CSMD1: variants seen among roughly 807,000 people sequenced by gnomAD.
The protein encoded by CSMD1 is CUB and Sushi multiple domains 1, also known as CUB and sushi domain-containing protein 1.
In CSMD1, 213 loss-of-function variants were observed where a neutral mutation model predicts 417.5. That is an observed-to-expected ratio of 0.51 (90% confidence interval 0.46 to 0.57). The LOEUF is 0.57. Among genes scored for constraint, CSMD1 ranks in the 20% least tolerant of loss-of-function variants. The pLI, the probability that CSMD1 is intolerant of heterozygous loss-of-function variation, is 0.00. For missense variants in CSMD1, 6,923 were observed against 4,529.7 expected (o/e 1.53, Z -15.17); for synonymous variants, 2,862 against 1,736.8 (o/e 1.65, Z -16.11).
At chr8:4,014,198 A>G (rs182935812) in intron 4 of CSMD1, among the ~76,000 whole-genome samples, 5 of 152,202 alleles carry the variant, frequency 3.3e-5, no homozygotes, top group Non-Finnish European at 4.4e-5. Context: ...TGCAAAGCAT[A>G]AACAACATTC....
chr8:3,110,178 G>C lies in CSMD1; in HGVS notation c.6588C>G (p.Val2196=). The C allele has an allele frequency of 6.2e-7, 1 of 1,608,612 alleles. No individual in the cohort carries two copies. Among genetic ancestry groups the C allele is most frequent in the Non-Finnish European group, 8.5e-7 (1 of 1,177,734 alleles). ...INFTLLQTEA[V]NDYIAVWDGP... is the part of the protein sequence containing the mutation. ...CATACCAAACAGCAATGTAATCGTTGACAGCTTCCGTCTGTAACAGGGTGA... is the reference window on the plus strand; with the variant it reads ...CATACCAAACAGCAATGTAATCGTTCACAGCTTCCGTCTGTAACAGGGTGA... Residue 2196 remains valine, a synonymous_variant, in exon 43 of 70, where the codon GTC becomes GTG. Transcript: ENST00000635120.
In CSMD1 at chr8:3,527,229, T is replaced by A. The variant is rs148289926; in HGVS notation, c.1345-33503A>T. Among the ~76,000 whole-genome samples, 745 of 152,270 alleles carry A rather than the reference T, an allele frequency of 4.9e-3. 5 individuals are homozygous for A. The highest frequency in any genetic ancestry group is 0.017 in the African/African-American group (711 of 41,548). The stretch of plus-strand genomic sequence containing the variant: ...ATTTTCCACTACTCAGAACCAAATG[T>A]TAATTGGCTCCTAATTGGTACAGGG... On this transcript the variant is annotated intron_variant, in intron 10 of 69. Transcript: ENST00000635120.
chr8:3,725,057 G>A (rs1563313324), intron 6 of CSMD1, among the ~76,000 whole-genome samples: 1 of 152,208 alleles, frequency 6.6e-6, no homozygotes, highest in Non-Finnish European at 1.5e-5. Context: ...GACGACTAGA[G>A]GAGTGAGGCA....
chr8:4,355,301 C>G (rs1346827144), intron 3 of CSMD1, among the ~76,000 whole-genome samples: 1 of 145,092 alleles, frequency 6.9e-6, no homozygotes, highest in African/African-American at 2.5e-5. Flanking sequence ...GAACAAACCA[C>G]TTCATACACA....
At chr8:3,739,163 A>G (rs979520767) in intron 6 of CSMD1, among the ~76,000 whole-genome samples, 2 of 152,234 alleles carry the variant, frequency 1.3e-5, no homozygotes, top group Non-Finnish European at 2.9e-5. Flanking sequence ...GTTTGCAGTT[A>G]AAGTATCTGA....
chr8:4,416,927 A>G (rs1796973918), intron 3 of CSMD1, among the ~76,000 whole-genome samples: 1 of 152,218 alleles, frequency 6.6e-6, no homozygotes, highest in Non-Finnish European at 1.5e-5. Flanking sequence ...TAGTAATCTT[A>G]TTATAAACTA....
intron 5 of CSMD1, among the ~76,000 whole-genome samples, chr8:3,963,832 A>C (rs1035121192): frequency 6.6e-6 from 1 of 152,222 alleles, no homozygotes; most frequent in African/African-American, 2.4e-5. Flanking sequence ...ATCAAATGTA[A>C]ATATAATCTT....
intron 49 of CSMD1, among the ~76,000 whole-genome samples, chr8:3,053,534 G>T (rs540863679): frequency 6.6e-6 from 1 of 152,240 alleles, no homozygotes; most frequent in South Asian, 2.1e-4. Flanking sequence ...GAGGCACTCG[G>T]GGAAGATTCC....
intron 46 of CSMD1, among the ~76,000 whole-genome samples, chr8:3,097,336 A>T (rs1013800808): frequency 3.9e-5 from 6 of 152,218 alleles, no homozygotes; most frequent in Admixed American, 3.9e-4. Flanking sequence ...ACAATGCAAG[A>T]TTTCCTAACT....
intron 1 of CSMD1, among the ~76,000 whole-genome samples, chr8:4,813,145 T>C (rs1799003374): frequency 6.6e-6 from 1 of 152,168 alleles, no homozygotes; most frequent in Non-Finnish European, 1.5e-5. Context: ...GCTAAATCCC[T>C]GACAAAAGCC....
intron 7 of CSMD1, among the ~76,000 whole-genome samples, chr8:3,639,216 T>C (rs2117303081): frequency 6.6e-6 from 1 of 152,262 alleles, no homozygotes. Context: ...GGCCTTGAGG[T>C]CTCTCTGTTG....
rs530579222 is a variant in CSMD1, at chr8:3,642,488, C to A, written c.1010-25691G>T. Among the ~76,000 whole-genome samples, 38 of 152,258 alleles carry A rather than the reference C, an allele frequency of 2.5e-4. No individual in the cohort carries two copies. The South Asian group carries it at 7.9e-3, about 32-fold the overall frequency. Reference sequence around the variant, plus strand: ...TCCCAAGTAGTGACCCAAGCAAACACAAATCCTCTCTGGAGAAAAACTGCC... The same window carrying A: ...TCCCAAGTAGTGACCCAAGCAAACAAAAATCCTCTCTGGAGAAAAACTGCC... On this transcript the variant is annotated intron_variant, in intron 7 of 69. Coordinates refer to ENST00000635120, the MANE Select transcript of CSMD1 (RefSeq NM_033225.6).
intron 2 of CSMD1, among the ~76,000 whole-genome samples, chr8:4,505,437 C>T (rs546824136): frequency 4.6e-5 from 7 of 152,012 alleles, no homozygotes; most frequent in Non-Finnish European, 2.9e-5. Flanking sequence ...CAAAATATCT[C>T]GATTTAAACA....
At chr8:3,519,584 C>T (rs1251719966) in intron 10 of CSMD1, among the ~76,000 whole-genome samples, 1 of 152,144 alleles carries the variant, frequency 6.6e-6, no homozygotes, top group Non-Finnish European at 1.5e-5. Flanking sequence ...TTGGTAGAGA[C>T]TACCTTCAAA....
intron 27 of CSMD1, among the ~76,000 whole-genome samples, chr8:3,228,544 G>T (rs1305981271): frequency 6.6e-6 from 1 of 152,074 alleles, no homozygotes; most frequent in Non-Finnish European, 1.5e-5. Flanking sequence ...TAGAGACAGG[G>T]GTATTTATTT....
At chr8:3,101,937 G>C (rs888070289) in intron 46 of CSMD1, among the ~76,000 whole-genome samples, 3 of 151,598 alleles carry the variant, frequency 2.0e-5, no homozygotes, top group African/African-American at 7.3e-5. Flanking sequence ...GAGCAGCTGG[G>C]ATTACAGATG....
At chr8:3,036,527 G>A (rs1233112826) in intron 50 of CSMD1, among the ~76,000 whole-genome samples, 1 of 152,132 alleles carries the variant, frequency 6.6e-6, no homozygotes, top group Non-Finnish European at 1.5e-5. Flanking sequence ...GATTTAATCA[G>A]CCTCATAACT....
In CSMD1 at chr8:4,900,205, CG is replaced by C. The variant is rs771214203; in HGVS notation, c.85+94126del. ...CCAAAGTGACAGGGGTATGAAGACA[CG>C]GGTTGGGTGCCTCTATCTCCAACCT... On this transcript the variant is annotated intron_variant, in intron 1 of 69. Transcript: ENST00000635120. Among the ~76,000 whole-genome samples the C allele has an allele frequency of 1.0e-3, 157 of 152,226 alleles. 1 individual carries two copies. Among genetic ancestry groups the C allele is most frequent in the Non-Finnish European group, 1.9e-3 (130 of 67,996 alleles).
At chr8:4,176,485 C>G (rs1798047572) in intron 3 of CSMD1, among the ~76,000 whole-genome samples, 1 of 152,090 alleles carries the variant, frequency 6.6e-6, no homozygotes, top group Non-Finnish European at 1.5e-5. Context: ...TTCTAACCTC[C>G]TCACTCACTA....
Sources: allele counts gnomAD v4.1 joint callset (sites outside exome capture counted in the v4.1 genomes callset), GRCh38; gene constraint gnomAD v4.1.1; transcripts MANE v1.5; gene names NCBI Gene and HGNC (gene_info 2026-07-23, HGNC 2026-07-21).